The following ELP4 variants were observed in gnomAD, a reference collection of about 807,000 sequenced individuals.
The protein encoded by ELP4 is elongator complex protein 4.
ELP4 carries 51 observed loss-of-function variants against 48.9 expected under a neutral mutation model. The observed-to-expected ratio is 1.04, with a 90% CI of 0.83 to 1.32. ELP4 has a LOEUF of 1.32. Among genes scored for constraint, ELP4 ranks in the 40% most tolerant of loss-of-function variants. The probability of loss-of-function intolerance (pLI) is 0.00; values close to 1 mark genes in which losing one functional copy is unlikely to be tolerated. For missense variants in ELP4, 519 were observed against 514.6 expected (o/e 1.01, Z -0.08); for synonymous variants, 210 against 189.2 (o/e 1.11, Z -0.90).
At chr11:31,524,694 A>G (rs1956270823) in intron 2 of ELP4, among the ~76,000 whole-genome samples, 2 of 152,200 alleles carry the variant, frequency 1.3e-5, no homozygotes, top group South Asian at 4.1e-4. Flanking sequence ...TCCTCACAGA[A>G]TATTATAGTA....
rs1246309915 is a variant in ELP4, at chr11:31,595,136, C to G, written c.513+235C>G. On this transcript the variant is annotated intron_variant, in intron 4 of 9. Coordinates refer to ENST00000640961, the MANE Select transcript of ELP4 (RefSeq NM_019040.5). ...TAATGCCCATATAGAATGCTTTATT[C>G]TAGAGTTGCAAGACAGAGTAAGTGA... Among the ~76,000 whole-genome samples, 5 of 152,058 alleles carry G rather than the reference C, an allele frequency of 3.3e-5. No individual in the cohort carries two copies. The East Asian group carries it at 5.8e-4, about 18-fold the overall frequency.
intron 9 of ELP4, among the ~76,000 whole-genome samples, chr11:31,739,625 T>G (rs1253032050): frequency 2.6e-5 from 4 of 152,204 alleles, no homozygotes; most frequent in Non-Finnish European, 5.9e-5. Context: ...CATGTTAAGA[T>G]TCATGCTATA....
chr11:31,517,304 TC>T (rs976636836), intron 1 of ELP4, among the ~76,000 whole-genome samples: 5 of 148,644 alleles, frequency 3.4e-5, no homozygotes, highest in Non-Finnish European at 7.5e-5. Flanking sequence ...CTGCCTCAGC[TC>T]CCCCGAATAG....
rs1036521548 is a variant in ELP4, at chr11:31,696,856, T to C, written c.1143+46635T>C. Among the ~76,000 whole-genome samples the C allele has an allele frequency of 2.0e-5, 3 of 152,026 alleles. No individual in the cohort carries two copies. The South Asian group carries it at 6.2e-4, about 31-fold the overall frequency. On this transcript the variant is annotated intron_variant, in intron 9 of 9. Coordinates refer to ENST00000640961, the MANE Select transcript of ELP4 (RefSeq NM_019040.5). ...AGGCTAAATACTCCAATTAAAAGAC[T>C]CAGACTGGCAAATTGGATAAAGAGT...
intron 3 of ELP4, among the ~76,000 whole-genome samples, chr11:31,579,863 A>C (rs1287528617): frequency 6.6e-6 from 1 of 152,124 alleles, no homozygotes; most frequent in Non-Finnish European, 1.5e-5. Context: ...CCAGCACACC[A>C]ACATGGCACA....
intron 9 of ELP4, among the ~76,000 whole-genome samples, chr11:31,707,879 T>C (rs543823564): frequency 5.3e-4 from 80 of 152,266 alleles, no homozygotes; most frequent in Non-Finnish European, 1.6e-4. Context: ...TTCATCCTCC[T>C]TTTATAAGGA....
Position 31,785,861 on chromosome 11 carries a change from T to G in ELP4, c.*2337T>G, listed in dbSNP as rs560212635. The G allele has an allele frequency of 2.0e-5, 4 of 196,246 alleles. No homozygotes were observed. The highest frequency in any genetic ancestry group is 4.2e-5 in the Non-Finnish European group (4 of 94,508). The allele number at this position is 196,246 out of a possible 1,614,324, so 12.2% of individuals were successfully genotyped here. A position where few individuals can be genotyped will look rare whatever the true frequency, so the allele number is the denominator to read the frequency against. On this transcript the variant is annotated 3_prime_UTR_variant, in exon 10 of 10. Coordinates refer to ENST00000640961, the MANE Select transcript of ELP4 (RefSeq NM_019040.5). ...TATACACTCCATTAACAGATTTTTT[T>G]TAATTATCAGCTTGACTCAAAGATA...
intron 9 of ELP4, among the ~76,000 whole-genome samples, chr11:31,704,145 C>A (rs993463447): frequency 2.6e-5 from 4 of 151,502 alleles, no homozygotes; most frequent in African/African-American, 7.3e-5. Flanking sequence ...TGCATCAAGG[C>A]AAATTATCTC....
intron 5 of ELP4, among the ~76,000 whole-genome samples, chr11:31,611,100 T>C (rs748556544): frequency 6.6e-6 from 1 of 152,218 alleles, no homozygotes; most frequent in Non-Finnish European, 1.5e-5. Context: ...TGCTCTTTGC[T>C]CTTTGGTCCT....
intron 1 of ELP4, among the ~76,000 whole-genome samples, chr11:31,518,534 G>T (rs1592077229): frequency 3.2e-5 from 4 of 126,742 alleles, no homozygotes; most frequent in African/African-American, 6.0e-5. Flanking sequence ...GTCTCACTCT[G>T]TTGGCCAGGC....
At chr11:31,671,207 C>T (rs1945799062) in intron 9 of ELP4, among the ~76,000 whole-genome samples, 2 of 152,288 alleles carry the variant, frequency 1.3e-5, no homozygotes, top group South Asian at 4.1e-4. Flanking sequence ...TTTGCTTACA[C>T]ATTTATACGT....
At chr11:31,578,917 A>G (rs1957335412) in intron 3 of ELP4, among the ~76,000 whole-genome samples, 1 of 152,256 alleles carries the variant, frequency 6.6e-6, no homozygotes, top group Non-Finnish European at 1.5e-5. Context: ...AGCAATGACA[A>G]CAAAAGCCAA....
intron 9 of ELP4, among the ~76,000 whole-genome samples, chr11:31,694,971 G>GTATATA (rs1946368781): frequency 6.6e-6 from 1 of 152,090 alleles, no homozygotes; most frequent in Admixed American, 6.6e-5. Flanking sequence ...TGTTATTGGT[G>GTATATA]TATAAGAATG....
rs141849805 is a variant in ELP4, at chr11:31,753,516, A to C, written c.1144-29877A>C. Among the ~76,000 whole-genome samples, 416 of 152,334 alleles carry C rather than the reference A, an allele frequency of 2.7e-3. 2 individuals are homozygous for C. The highest frequency in any genetic ancestry group is 9.6e-3 in the African/African-American group (398 of 41,572). The stretch of plus-strand genomic sequence containing the variant: ...TGGCAAAGAAGTAAGAGAAACAGGA[A>C]CTTTCATACTCTACTGATGGTTGTG... On this transcript the variant is annotated intron_variant, in intron 9 of 9. Transcript: ENST00000640961.
intron 9 of ELP4, among the ~76,000 whole-genome samples, chr11:31,765,337 G>A (rs985637954): frequency 6.6e-6 from 1 of 152,180 alleles, no homozygotes; most frequent in Non-Finnish European, 1.5e-5. Context: ...CATCGTGAAT[G>A]TTAGTGATAT....
At chr11:31,511,425 T>C (rs185149438) in intron 1 of ELP4, 14 of 152,278 alleles carry the variant, frequency 9.2e-5, no homozygotes, top group Non-Finnish European at 1.3e-4. Flanking sequence ...AGTTCCTCAT[T>C]AGAATAACAA....
At chr11:31,627,726 G>T (rs1944777107) in intron 6 of ELP4, among the ~76,000 whole-genome samples, 1 of 152,030 alleles carries the variant, frequency 6.6e-6, no homozygotes, top group Non-Finnish European at 1.5e-5. Context: ...TAATAAAGAT[G>T]TTCTGGTTAG....
At chr11:31,559,200 GCT>G (rs1157298873) in intron 3 of ELP4, among the ~76,000 whole-genome samples, 1 of 152,134 alleles carries the variant, frequency 6.6e-6, no homozygotes, top group Non-Finnish European at 1.5e-5. Context: ...AGAAGATAGA[GCT>G]CTCTCTCCAG....
rs552453250 is a variant in ELP4, at chr11:31,522,156, T to C, written c.259+2065T>C. On this transcript the variant is annotated intron_variant, in intron 2 of 9. Coordinates refer to ENST00000640961, the MANE Select transcript of ELP4 (RefSeq NM_019040.5). ...TTACATGTAAGAGAGAAAAATAACCTGTGATCAAGAAATTCTAGAAATGAT... is the reference window on the plus strand; with the variant it reads ...TTACATGTAAGAGAGAAAAATAACCCGTGATCAAGAAATTCTAGAAATGAT... Among the ~76,000 whole-genome samples, 17 of 152,266 alleles carry C rather than the reference T, an allele frequency of 1.1e-4. No individual in the cohort carries two copies. In the East Asian group the frequency reaches 2.9e-3, roughly 26 times the overall value.
Sources: allele counts gnomAD v4.1 joint callset (sites outside exome capture counted in the v4.1 genomes callset), GRCh38; gene constraint gnomAD v4.1.1; transcripts MANE v1.5; gene names NCBI Gene and HGNC (gene_info 2026-07-23, HGNC 2026-07-21).